The following FSIP2 variants were observed in gnomAD, a reference collection of about 807,000 sequenced individuals.
FSIP2 encodes the protein fibrous sheath interacting protein 2.
FSIP2 carries 367 observed loss-of-function variants against 510.5 expected under a neutral mutation model. The ratio of observed to expected loss-of-function variants is 0.72; its 90% CI spans 0.66 to 0.78. FSIP2 has a LOEUF of 0.78. Among genes scored for constraint, FSIP2 ranks in the 30% least tolerant of loss-of-function variants. The probability of loss-of-function intolerance (pLI) is 0.00; values close to 1 mark genes in which losing one functional copy is unlikely to be tolerated. For synonymous variants in FSIP2, 2,601 were observed against 2,732.2 expected (o/e 0.95, Z 1.50); for missense variants, 7,594 against 7,901.7 (o/e 0.96, Z 1.48).
chr2:185,763,292 A>G lies in FSIP2; in HGVS notation c.1347+3A>G. 2 of 1,257,712 alleles carry G rather than the reference A, an allele frequency of 1.6e-6. No individual in the cohort carries two copies. Among genetic ancestry groups the G allele is most frequent in the Non-Finnish European group, 2.2e-6 (2 of 893,268 alleles). The allele number at this position is 1,257,712 out of a possible 1,614,324, so 77.9% of individuals were successfully genotyped here. A position where few individuals can be genotyped will look rare whatever the true frequency, so the allele number is the denominator to read the frequency against. On this transcript the variant is annotated splice_donor_region_variant and intron_variant, in intron 12 of 22. Transcript: ENST00000424728. ...TTTTGGATCCTTCAAAAGAAGAGGT[A>G]TATAACAGTTCTTTTACCCCAAATA...
rs1278397565 is a variant in FSIP2, at chr2:185,789,080, C to T, written c.1944C>T (p.His648=). ...PKLRSCKSDS[H]LLASFETGTK... The stretch of plus-strand genomic sequence containing the variant: ...TCAGAAGTTGTAAATCAGATAGTCA[C>T]CTTTTAGCATCATTTGAAACAGGCA... The change falls in exon 16 of 23, where the codon CAC becomes CAT. Residue 648 remains histidine (H), a synonymous_variant. Transcript: ENST00000424728. The T allele has an allele frequency of 2.6e-6, 4 of 1,534,570 alleles. No homozygotes were observed. In the Admixed American group the frequency reaches 5.9e-5, roughly 23 times the overall value.
rs1268360740 is a variant in FSIP2, at chr2:185,792,004, G to A, written c.4868G>A (p.Ser1623Asn). The A allele has an allele frequency of 1.3e-6, 2 of 1,533,848 alleles. No homozygotes were observed. Among genetic ancestry groups the A allele is most frequent in the Non-Finnish European group, 1.7e-6 (2 of 1,145,380 alleles). The stretch of plus-strand genomic sequence containing the variant: ...AATAAGATAGGCTGGGAATATGAAA[G>A]CACCAATATTTCCAGAGACACACAT... Reference protein sequence around the residue: ...KSNKIGWEYESTNISRDTHEA... With the variant: ...KSNKIGWEYENTNISRDTHEA... The change falls in exon 16 of 23, where the codon AGC (serine) becomes AAC (asparagine). Residue 1623 changes from serine to asparagine, a missense_variant. By Grantham distance (46) the Ser-to-Asn change is conservative. Transcript: ENST00000424728.
chr2:185,778,912 G>C (rs72900022), intron 13 of FSIP2, among the ~76,000 whole-genome samples: 28,147 of 151,770 alleles, frequency 0.19, 2,960 homozygotes, highest in Non-Finnish European at 0.23. Context: ...AAATATTTTT[G>C]ATCTAGTGAT....
rs1249098431 is a variant in FSIP2 at position 185,804,211 on chromosome 2, T to C, written c.14905T>C (p.Leu4969=). ...KILYAFSHNM[L]VTENPDRVKL... ...TCTTTATGCATTTTCACATAACATG[T>C]TGGTTACTGAAAATCCAGATAGAGT... The change falls in exon 17 of 23, where the codon TTG becomes CTG. Residue 4969 remains leucine (L), a synonymous_variant. Coordinates refer to ENST00000424728, the MANE Select transcript of FSIP2 (RefSeq NM_173651.4). 3 of 1,519,448 alleles carry C rather than the reference T, an allele frequency of 2.0e-6. No individual in the cohort carries two copies. Among genetic ancestry groups the C allele is most frequent in the Non-Finnish European group, 1.8e-6 (2 of 1,140,344 alleles). 94.1% of individuals were successfully genotyped at this position (1,519,448 alleles called of 1,614,324 possible).
Position 185,805,444 on chromosome 2 carries a change from A to G in FSIP2, c.16138A>G (p.Met5380Val). The G allele has an allele frequency of 2.5e-6, 4 of 1,610,350 alleles. No individual in the cohort carries two copies. Among genetic ancestry groups the G allele is most frequent in the East Asian group, 2.2e-5 (1 of 44,782 alleles). Reference protein sequence around the residue: ...KGDESNIAIGMIAALTQKAIS... With the variant: ...KGDESNIAIGVIAALTQKAIS... ...TGATGAAAGTAACATTGCTATAGGG[A>G]TGATTGCTGCTCTAACCCAGAAGGC... The change falls in exon 17 of 23, where the codon ATG becomes GTG. Residue 5380 changes from methionine to valine, a missense_variant. Coordinates refer to ENST00000424728, the MANE Select transcript of FSIP2 (RefSeq NM_173651.4).
In FSIP2 at chr2:185,799,804, G is replaced by T; in HGVS notation, c.10498G>T (p.Glu3500Ter). The T allele has an allele frequency of 6.5e-7, 1 of 1,531,076 alleles. No homozygotes were observed. Among genetic ancestry groups the T allele is most frequent in the South Asian group, 1.2e-5 (1 of 83,510 alleles). The allele number at this position is 1,531,076 out of a possible 1,614,324, so 94.8% of individuals were successfully genotyped here. ...YDDSSIYQCC[E>*]HLTESVLYHL... ...TGATTCTTCAATTTATCAATGTTGT[G>T]AACATCTCACTGAGTCAGTACTTTA... is the stretch of plus-strand genomic sequence containing the variant. The change falls in exon 17 of 23, where the codon GAA becomes TAA. Residue 3500 changes from glutamate to a stop codon, truncating the protein, a stop_gained. Transcript: ENST00000424728. LOFTEE classifies it high-confidence loss of function.
At position 185,805,921 on chromosome 2, in the gene FSIP2, G is replaced by T; in HGVS notation, c.16615G>T (p.Val5539Phe). The T allele has an allele frequency of 1.3e-6, 2 of 1,596,846 alleles. No individual in the cohort carries two copies. Among genetic ancestry groups the T allele is most frequent in the African/African-American group, 2.7e-5 (2 of 73,856 alleles). Residue 5539 changes from valine to phenylalanine, a missense_variant, in exon 17 of 23, where the codon GTT (valine) becomes TTT (phenylalanine). By Grantham distance (50) the Val-to-Phe change is conservative. Coordinates refer to ENST00000424728, the MANE Select transcript of FSIP2 (RefSeq NM_173651.4). ...AAAACATAGTGAGAATGTATCAAAAGTTACTTCAACTACCACTGTGAAAAG... is the reference window on the plus strand; with the variant it reads ...AAAACATAGTGAGAATGTATCAAAATTTACTTCAACTACCACTGTGAAAAG... ...TQKHSENVSK[V>F]TSTTTVKSKD...
In FSIP2 at chr2:185,777,711, C is replaced by T. The variant is rs550645657; in HGVS notation, c.1412-4994C>T. The stretch of plus-strand genomic sequence containing the variant: ...ACATCCTTGATTAAATCAATTCTAT[C>T]TATCGTGTGTTTTTCTTCTTATACA... On this transcript the variant is annotated intron_variant, in intron 13 of 22. Transcript: ENST00000424728. 4.6e-5 allele frequency among the ~76,000 whole-genome samples: 7 copies of T among 152,066 alleles called. No individual in the cohort carries two copies. In the South Asian group the frequency reaches 1.2e-3, roughly 27 times the overall value.
chr2:185,762,397 A>G (rs2105558886), intron 11 of FSIP2, among the ~76,000 whole-genome samples: 1 of 151,486 alleles, frequency 6.6e-6, no homozygotes, highest in East Asian at 1.9e-4. Flanking sequence ...TTGTCTTTAA[A>G]TGAAATATTC....
intron 9 of FSIP2, among the ~76,000 whole-genome samples, chr2:185,760,188 TTCTC>T (rs146634975): frequency 0.54 from 81,196 of 149,570 alleles, 22,267 homozygotes; most frequent in South Asian, 0.64. Context: ...ATTTCATTCT[TTCTC>T]TCTCTTTTTA....
intron 13 of FSIP2, among the ~76,000 whole-genome samples, chr2:185,780,131 T>A (rs1178126294): frequency 1.3e-5 from 2 of 152,022 alleles, no homozygotes; most frequent in Non-Finnish European, 2.9e-5. Context: ...GATGTAATTA[T>A]TCCTGTGTAA....
In FSIP2 at chr2:185,808,039, G is replaced by T; in HGVS notation, c.18733G>T (p.Asp6245Tyr). The change falls in exon 17 of 23, where the codon GAT becomes TAT. Residue 6245 changes from aspartate (D) to tyrosine (Y), a missense_variant. Coordinates refer to ENST00000424728, the MANE Select transcript of FSIP2 (RefSeq NM_173651.4). ...TKESPTVPVADNATIENIVNS... is the reference protein window; with the variant it reads ...TKESPTVPVAYNATIENIVNS... ...GGAATCACCTACTGTGCCTGTAGCT[G>T]ATAATGCAACTATTGAAAACATAGT... 6.2e-7 allele frequency: 1 copy of T among 1,611,366 alleles called. No homozygotes were observed. Among genetic ancestry groups the T allele is most frequent in the Admixed American group, 1.7e-5 (1 of 59,632 alleles).
At chr2:185,766,078 TGTC>T (rs1424064888) in intron 13 of FSIP2, 1 of 152,066 alleles carries the variant, frequency 6.6e-6, no homozygotes, top group African/African-American at 2.4e-5. Context: ...TATACAGTCA[TGTC>T]GTCTGCAAAC....
chr2:185,762,193 T>C (rs1692365849), intron 11 of FSIP2, among the ~76,000 whole-genome samples, 176 bp downstream of exon 11: 1 of 151,270 alleles, frequency 6.6e-6, no homozygotes, highest in African/African-American at 2.4e-5. Context: ...ATTTGAGTGA[T>C]TGCTGGATGA....
chr2:185,809,004 A>T lies in FSIP2; in HGVS notation c.19698A>T (p.Ile6566=), dbSNP rs781226257. The change falls in exon 17 of 23, where the codon ATA becomes ATT. Residue 6566 remains isoleucine (I), a synonymous_variant. Coordinates refer to ENST00000424728, the MANE Select transcript of FSIP2 (RefSeq NM_173651.4). ...GTTTGAAAAGAACTGGACATAGCAT[A>T]GCAGAACTGAGAAGAGCATCAATAA... is the stretch of plus-strand genomic sequence containing the variant. The part of the protein sequence containing the change: ...QECLKRTGHS[I]AELRRASISG... 2.5e-6 allele frequency: 4 copies of T among 1,612,924 alleles called. No individual in the cohort carries two copies. In the East Asian group the frequency reaches 8.9e-5, roughly 36 times the overall value.
Position 185,807,085 on chromosome 2 carries a change from G to T in FSIP2, c.17779G>T (p.Asp5927Tyr). 1 of 1,590,378 alleles carries T rather than the reference G, an allele frequency of 6.3e-7. No homozygotes were observed. Among genetic ancestry groups the T allele is most frequent in the South Asian group, 1.2e-5 (1 of 86,284 alleles). ...VHSSVCNILN[D>Y]YGSQDSIWKN... The stretch of plus-strand genomic sequence containing the variant: ...CTCCTCTGTTTGTAATATTTTAAAT[G>T]ACTATGGATCTCAAGACTCTATTTG... The change falls in exon 17 of 23, where the codon GAC (aspartate) becomes TAC (tyrosine). Residue 5927 changes from aspartate (D) to tyrosine (Y), a missense_variant. Asp to Tyr is a radical substitution (Grantham distance 160). Transcript: ENST00000424728.
chr2:185,795,759 G>T lies in FSIP2; in HGVS notation c.8623G>T (p.Glu2875Ter), dbSNP rs999275240. 3 of 1,533,454 alleles carry T rather than the reference G, an allele frequency of 2.0e-6. No individual in the cohort carries two copies. The highest frequency in any genetic ancestry group is 2.0e-5 in the Admixed American group (1 of 50,832). The allele number at this position is 1,533,454 out of a possible 1,614,324, so 95.0% of individuals were successfully genotyped here. ...GACTGAAATTTCAATAAAAGCAAAAGAATTAGAATATTCTCTTTCACTTTT... is the reference window on the plus strand; with the variant it reads ...GACTGAAATTTCAATAAAAGCAAAATAATTAGAATATTCTCTTTCACTTTT... ...VLTEISIKAK[E>*]LEYSLSLLNL... The change falls in exon 16 of 23, where the codon GAA becomes TAA. Residue 2875 changes from glutamate to a stop codon, truncating the protein, a stop_gained. Coordinates refer to ENST00000424728, the MANE Select transcript of FSIP2 (RefSeq NM_173651.4). LOFTEE classifies it high-confidence loss of function.
intron 15 of FSIP2, 76 bp from the exon 16 acceptor site, chr2:185,788,567 T>C: frequency 1.0e-6 from 1 of 983,406 alleles, no homozygotes; most frequent in Non-Finnish European, 1.4e-6. Flanking sequence ...AAAAATTAAA[T>C]GTTACCTTCT....
At chr2:185,823,444 C>A (rs1304189190) in intron 19 of FSIP2, among the ~76,000 whole-genome samples, 1 of 151,036 alleles carries the variant, frequency 6.6e-6, no homozygotes, top group Non-Finnish European at 1.5e-5. Flanking sequence ...GGCTAACAGG[C>A]ACATAAAATG....
Sources: gnomAD v4.1 joint callset for allele counts (sites outside exome capture counted in the v4.1 genomes callset) on GRCh38, gnomAD v4.1.1 for gene constraint, MANE v1.5 for transcripts, NCBI Gene and HGNC (gene_info 2026-07-23, HGNC 2026-07-21) for gene names.